FARS2: variants seen among roughly 807,000 people sequenced by gnomAD.
FARS2 encodes the protein phenylalanyl-tRNA synthetase 2, mitochondrial.
In FARS2, 40 loss-of-function variants were observed where a neutral mutation model predicts 46.4. The observed-to-expected ratio is 0.86, with a 90% CI of 0.67 to 1.12. FARS2 has a LOEUF of 1.12. Among genes scored for constraint, FARS2 ranks in the 50% most tolerant of loss-of-function variants. The pLI is 0.00. For synonymous variants in FARS2, 234 were observed against 214.9 expected, an observed-to-expected ratio of 1.09 and a Z score of -0.78; for missense variants, 513 against 567.9, an observed-to-expected ratio of 0.90 and a Z score of 0.98.
intron 1 of FARS2, among the ~76,000 whole-genome samples, chr6:5,302,357 G>C (rs1373379048): frequency 6.6e-6 from 1 of 152,172 alleles, no homozygotes; most frequent in Non-Finnish European, 1.5e-5. Context: ...TAGATAGCAA[G>C]GCTTTGCTGT....
chr6:5,447,045 C>A (rs1292421200), intron 4 of FARS2, among the ~76,000 whole-genome samples: 2 of 152,316 alleles, frequency 1.3e-5, no homozygotes, highest in South Asian at 2.1e-4. Flanking sequence ...GAAGACCTTA[C>A]ATCTCATCCT....
chr6:5,450,280 G>T (rs1764410559), intron 4 of FARS2, among the ~76,000 whole-genome samples: 1 of 151,886 alleles, frequency 6.6e-6, no homozygotes, highest in African/African-American at 2.4e-5. Flanking sequence ...GTGGCATCTA[G>T]TGTGACTTGG....
intron 6 of FARS2, among the ~76,000 whole-genome samples, chr6:5,695,883 G>A (rs1257410243): frequency 6.6e-6 from 1 of 152,180 alleles, no homozygotes; most frequent in Non-Finnish European, 1.5e-5. Flanking sequence ...GTGATAAAAG[G>A]CCAATTTTTT....
intron 3 of FARS2, among the ~76,000 whole-genome samples, chr6:5,406,758 T>G (rs933930549): frequency 1.3e-5 from 2 of 151,460 alleles, no homozygotes; most frequent in African/African-American, 4.9e-5. Flanking sequence ...GGGTCGTACG[T>G]TTTCACTCCT....
At chr6:5,264,495 CTTTTTTT>C (rs776344380) in intron 1 of FARS2, among the ~76,000 whole-genome samples, 19 of 139,082 alleles carry the variant, frequency 1.4e-4, no homozygotes, top group Admixed American at 4.3e-4. Flanking sequence ...TTTCTTTTTT[CTTTTTTT>C]TTTTTTTTGA....
At chr6:5,373,006 C>G (rs973891827) in intron 2 of FARS2, among the ~76,000 whole-genome samples, 1 of 152,026 alleles carries the variant, frequency 6.6e-6, no homozygotes, top group Non-Finnish European at 1.5e-5. Flanking sequence ...ATAGCAAAAC[C>G]AAATACCGCA....
intron 6 of FARS2, among the ~76,000 whole-genome samples, chr6:5,700,004 G>A (rs1164043856): frequency 6.6e-6 from 1 of 152,104 alleles, no homozygotes; most frequent in Admixed American, 6.5e-5. Context: ...TAACTATATC[G>A]ACTGACCTCC....
chr6:5,768,979 G>T (rs1762884872), intron 6 of FARS2, among the ~76,000 whole-genome samples: 1 of 151,882 alleles, frequency 6.6e-6, no homozygotes, highest in South Asian at 2.1e-4. Context: ...GCCTAATTTT[G>T]ATGAATTCCA....
intron 4 of FARS2, 70 bp from the exon 5 acceptor site, chr6:5,545,110 T>A: frequency 6.9e-7 from 1 of 1,453,184 alleles, no homozygotes; most frequent in Non-Finnish European, 9.5e-7. Context: ...CTGATAACTG[T>A]CAGGGAGTGG....
intron 4 of FARS2, among the ~76,000 whole-genome samples, chr6:5,523,358 T>C (rs1411771455): frequency 1.3e-5 from 2 of 151,876 alleles, no homozygotes; most frequent in South Asian, 4.1e-4. Flanking sequence ...CAGAGGGCTT[T>C]TTTGACTGGT....
chr6:5,637,812 G>A (rs954752508), intron 6 of FARS2, among the ~76,000 whole-genome samples: 1 of 152,120 alleles, frequency 6.6e-6, no homozygotes, highest in Non-Finnish European at 1.5e-5. Flanking sequence ...TCCCCGCTCC[G>A]TATGTGTCTG....
At chr6:5,623,458 A>G (rs1369478065) in intron 6 of FARS2, among the ~76,000 whole-genome samples, 1 of 152,196 alleles carries the variant, frequency 6.6e-6, no homozygotes, top group Non-Finnish European at 1.5e-5. Flanking sequence ...TCATGTGTGT[A>G]ATCCCAGCAC....
intron 6 of FARS2, among the ~76,000 whole-genome samples, chr6:5,628,632 T>C (rs1582624059): frequency 6.6e-6 from 1 of 152,356 alleles, no homozygotes; most frequent in African/African-American, 2.4e-5. Flanking sequence ...CGGCTGAAGC[T>C]GTGAGTACCT....
chr6:5,423,451 G>A (rs564053178), intron 3 of FARS2, among the ~76,000 whole-genome samples: 2 of 152,044 alleles, frequency 1.3e-5, no homozygotes, highest in South Asian at 4.1e-4. Flanking sequence ...GGAGTCCCAG[G>A]GGAACAGTGT....
intron 4 of FARS2, among the ~76,000 whole-genome samples, chr6:5,439,909 T>A (rs1763745521): frequency 6.6e-6 from 1 of 152,192 alleles, no homozygotes; most frequent in African/African-American, 2.4e-5. Context: ...TTGCCCCTTT[T>A]AGTGCCCATT....
At position 5,686,890 on chromosome 6, in the gene FARS2, T is replaced by C. The variant is rs370392028; in HGVS notation, c.1217+73570T>C. Among the ~76,000 whole-genome samples, 18 of 152,046 alleles carry C rather than the reference T, an allele frequency of 1.2e-4. No homozygotes were observed. In the South Asian group the frequency reaches 2.1e-3, roughly 18 times the overall value. On this transcript the variant is annotated intron_variant, in intron 6 of 6. Coordinates refer to ENST00000274680, the MANE Select transcript of FARS2 (RefSeq NM_006567.5). The stretch of plus-strand genomic sequence containing the variant: ...TGTTTCCTGACTTTTTAATGATCGC[T>C]ATTCTAACTGGTGTGAGATGGTATC...
intron 1 of FARS2, among the ~76,000 whole-genome samples, chr6:5,365,148 A>G (rs1758568847): frequency 6.6e-6 from 1 of 151,452 alleles, no homozygotes; most frequent in South Asian, 2.1e-4. Flanking sequence ...CATTTTTACT[A>G]TCTAAGCTAA....
At chr6:5,574,811 A>G (rs1296218514) in intron 5 of FARS2, among the ~76,000 whole-genome samples, 1 of 152,204 alleles carries the variant, frequency 6.6e-6, no homozygotes, top group Non-Finnish European at 1.5e-5. Flanking sequence ...GTGTACTCAG[A>G]GAATTGGTTC....
intron 6 of FARS2, among the ~76,000 whole-genome samples, chr6:5,668,910 G>A (rs1778296840): frequency 6.6e-6 from 1 of 151,832 alleles, no homozygotes; most frequent in Non-Finnish European, 1.5e-5. Flanking sequence ...TGGCCAGGCT[G>A]GTCTCGAACT....
Sources: gnomAD v4.1 joint callset for allele counts (sites outside exome capture counted in the v4.1 genomes callset) on GRCh38, gnomAD v4.1.1 for gene constraint, MANE v1.5 for transcripts, NCBI Gene and HGNC (gene_info 2026-07-23, HGNC 2026-07-21) for gene names.